CASZ1: variants seen among roughly 807,000 people sequenced by gnomAD.
CASZ1 encodes castor zinc finger 1, also known as zinc finger protein castor homolog 1.
In CASZ1, 28 loss-of-function variants were observed where a neutral mutation model predicts 135.2. The observed-to-expected ratio is 0.21, with a 90% confidence interval of 0.15 to 0.28. The LOEUF is 0.28. CASZ1 is among the 10% of genes least tolerant of loss of function. CASZ1 has a pLI of 1.00. For synonymous variants in CASZ1, 1,068 were observed against 1,073.4 expected (o/e 0.99, Z 0.10); for missense variants, 2,161 against 2,453.3 (o/e 0.88, Z 2.52).
intron 8 of CASZ1, among the ~76,000 whole-genome samples, chr1:10,656,243 G>A (rs891924172): frequency 1.3e-5 from 2 of 152,234 alleles, no homozygotes; most frequent in Non-Finnish European, 2.9e-5. Flanking sequence ...CTCACTGGCG[G>A]GCAGCCTTGG....
intron 4 of CASZ1, among the ~76,000 whole-genome samples, chr1:10,682,339 C>A: frequency 6.6e-6 from 1 of 151,996 alleles, no homozygotes; most frequent in East Asian, 1.9e-4. Context: ...GTGGGAGAGG[C>A]AGAGGGCAGG....
chr1:10,721,231 TTCAC>T lies in CASZ1; in HGVS notation c.-76-15691_-76-15688del, dbSNP rs1639490636. Among the ~76,000 whole-genome samples, 1 of 152,018 alleles carries T rather than the reference TTCAC, an allele frequency of 6.6e-6. No individual in the cohort carries two copies. The highest frequency in any genetic ancestry group is 6.5e-5 in the Admixed American group (1 of 15,270). ...AGACAGAGGGGCTGGCTGGCTTTCCTTCACTCTACCTCAATTTCTACTGCTCCTA... is the reference window on the plus strand; with the variant it reads ...AGACAGAGGGGCTGGCTGGCTTTCCTTCTACCTCAATTTCTACTGCTCCTA... On this transcript the variant is annotated intron_variant, in intron 2 of 20. Transcript: ENST00000377022. This position sits in a 1 kb window ranked among gnomAD's most constrained non-coding sequence, Gnocchi z 5.4.
In CASZ1 at chr1:10,638,435, T is replaced by A. The variant is rs779322833; in HGVS notation, c.*507A>T. 2 of 152,204 alleles carry A rather than the reference T, an allele frequency of 1.3e-5. No individual in the cohort carries two copies. The highest frequency in any genetic ancestry group is 2.4e-5 in the African/African-American group (1 of 41,426). The allele number at this position is 152,204 out of a possible 1,614,324, so 9.4% of individuals were successfully genotyped here. On this transcript the variant is annotated 3_prime_UTR_variant, in exon 21 of 21. Transcript: ENST00000377022. This position sits in a 1 kb window ranked among gnomAD's most constrained non-coding sequence, Gnocchi z 5.9. ...CCCGTGAGGCTTCCTCCACGGTCCC[T>A]GTAGTGTCACCCGTGCTGACTGCCT... is the stretch of plus-strand genomic sequence containing the variant.
At chr1:10,784,070 C>T (rs985778374) in intron 1 of CASZ1, among the ~76,000 whole-genome samples, 1 of 152,040 alleles carries the variant, frequency 6.6e-6, no homozygotes, top group African/African-American at 2.4e-5. Context: ...AGACCCAGGC[C>T]CACCGTCACA....
chr1:10,777,370 C>G lies in CASZ1; in HGVS notation c.-233-16513G>C, dbSNP rs1245081271. ...GACCTCTGTGACTTCACCCTTCACC[C>G]ACAAGCCTCCTTTCTCTTATTGGTC... On this transcript the variant is annotated intron_variant, in intron 1 of 20. Transcript: ENST00000377022. This position sits in a 1 kb window ranked among gnomAD's most constrained non-coding sequence, Gnocchi z 4.4. 1.3e-5 allele frequency among the ~76,000 whole-genome samples: 2 copies of G among 152,140 alleles called. No homozygotes were observed. Among genetic ancestry groups the G allele is most frequent in the African/African-American group, 4.8e-5 (2 of 41,426 alleles).
intron 2 of CASZ1, among the ~76,000 whole-genome samples, chr1:10,743,960 C>T (rs1031061537): frequency 3.9e-5 from 6 of 151,980 alleles, no homozygotes; most frequent in Non-Finnish European, 7.4e-5. Context: ...AATCCAGCCG[C>T]CTCAGGGGAC....
intron 3 of CASZ1, among the ~76,000 whole-genome samples, chr1:10,698,183 A>T (rs1570494287): frequency 6.6e-6 from 1 of 152,260 alleles, no homozygotes; most frequent in South Asian, 2.1e-4. Flanking sequence ...GCACAGCCGC[A>T]CGCTCGGCCC....
chr1:10,663,378 G>A (rs1643113261), intron 5 of CASZ1, among the ~76,000 whole-genome samples: 1 of 152,184 alleles, frequency 6.6e-6, no homozygotes, highest in Non-Finnish European at 1.5e-5. Flanking sequence ...CTGGCACCCA[G>A]GGTGCACAGA....
chr1:10,656,873 AAGTGACTGGGCCTGGCG>A, intron 7 of CASZ1, 137 bp from the exon 8 acceptor site: 1 of 636,104 alleles, frequency 1.6e-6, no homozygotes, highest in South Asian at 1.7e-5. Flanking sequence ...AGGCCCAGGC[AAGTGACTGGGCCTGGCG>A]GGAATCCCAG....
Position 10,701,535 on chromosome 1 carries a change from G to T in CASZ1, c.-24+3957C>A, listed in dbSNP as rs768780842. ...AGAGTGATGGAGTGATGGGAGGAGG[G>T]GGGGCGCGGTCAGAAGAAGGAGATA... On this transcript the variant is annotated intron_variant, in intron 3 of 20. Transcript: ENST00000377022. This position sits in a 1 kb window ranked among gnomAD's most constrained non-coding sequence, Gnocchi z 6.3. Among the ~76,000 whole-genome samples the T allele has an allele frequency of 1.3e-5, 2 of 152,172 alleles. No homozygotes were observed. The highest frequency in any genetic ancestry group is 2.9e-5 in the Non-Finnish European group (2 of 68,034).
At chr1:10,763,559 T>G (rs537266057) in intron 1 of CASZ1, among the ~76,000 whole-genome samples, 73 of 152,318 alleles carry the variant, frequency 4.8e-4, no homozygotes, top group African/African-American at 1.7e-3. Flanking sequence ...TTCTGAAATC[T>G]ACCCCGGGTG....
Position 10,639,113 on chromosome 1 carries a change from G to GTCGTCGTCC in CASZ1, c.5108_5109insGGACGACGA (p.Asp1702_Asp1703insGluAspAsp). The stretch of plus-strand genomic sequence containing the variant: ...CGTCGTCGTCCTCGTCGTCGTCCTC[G>GTCGTCGTCC]TCGTCGTCGTCCTCGTCGTCGTCCT... On this transcript the variant is annotated inframe_insertion, in exon 21 of 21. Coordinates refer to ENST00000377022, the MANE Select transcript of CASZ1 (RefSeq NM_001079843.3). This position sits in a 1 kb window ranked among gnomAD's most constrained non-coding sequence, Gnocchi z 4.0. 8.8e-7 allele frequency: 1 copy of GTCGTCGTCC among 1,132,784 alleles called. No individual in the cohort carries two copies. The allele number at this position is 1,132,784 out of a possible 1,614,324, so 70.2% of individuals were successfully genotyped here. A position where few individuals can be genotyped will look rare whatever the true frequency, so the allele number is the denominator to read the frequency against.
chr1:10,756,470 T>C lies in CASZ1; in HGVS notation c.-77+4231A>G, dbSNP rs1348577431. The stretch of plus-strand genomic sequence containing the variant: ...GAGCCCGGCAGCCGGCTGTGACAGC[T>C]TCACGCTCGCCAACCAGGCCTCTGG... On this transcript the variant is annotated intron_variant, in intron 2 of 20. Transcript: ENST00000377022. The surrounding 1 kb of genome is among the most constrained non-coding windows in gnomAD (Gnocchi z 5.9). 1.3e-5 allele frequency among the ~76,000 whole-genome samples: 2 copies of C among 152,222 alleles called. No individual in the cohort carries two copies. Among genetic ancestry groups the C allele is most frequent in the East Asian group, 3.9e-4 (2 of 5,192 alleles).
chr1:10,693,855 C>T lies in CASZ1; in HGVS notation c.16+19G>A, dbSNP rs372487900. 1.2e-6 allele frequency: 2 copies of T among 1,609,318 alleles called. No homozygotes were observed. The highest frequency in any genetic ancestry group is 1.7e-5 in the Admixed American group (1 of 59,950). ...AAGAAAAGTGAAAGAGCCGCCCCTG[C>T]GTTCCCACCGGCCGGTACCTGTTCC... On this transcript the variant is annotated intron_variant, in intron 4 of 20. Transcript: ENST00000377022.
Position 10,659,384 on chromosome 1 carries a change from G to A in CASZ1, c.1340+318C>T, listed in dbSNP as rs149351650. ...AAAGGCAGAGCACACTTGTGCCTGGGAGTGTGGGCGTGTGTGGGTGGCGTG... is the reference window on the plus strand; with the variant it reads ...AAAGGCAGAGCACACTTGTGCCTGGAAGTGTGGGCGTGTGTGGGTGGCGTG... On this transcript the variant is annotated intron_variant, in intron 6 of 20. Transcript: ENST00000377022. Among the ~76,000 whole-genome samples, 616 of 152,352 alleles carry A rather than the reference G, an allele frequency of 4.0e-3. 7 individuals carry two copies. The highest frequency in any genetic ancestry group is 0.014 in the African/African-American group (588 of 41,564).
In CASZ1 at chr1:10,659,926, G is replaced by A. The variant is rs1225585702; in HGVS notation, c.1116C>T (p.Arg372=). The change falls in exon 6 of 21, where the codon CGC becomes CGT. Residue 372 remains arginine, a synonymous_variant. Coordinates refer to ENST00000377022, the MANE Select transcript of CASZ1 (RefSeq NM_001079843.3). Reference sequence around the variant, plus strand: ...TGCCCCGGACGTCGTACTTGGAAGGGCGCCCCACCTTGCCTGTCTTGAAGG... The same window carrying A: ...TGCCCCGGACGTCGTACTTGGAAGGACGCCCCACCTTGCCTGTCTTGAAGG... ...AIAFKTGKVG[R]PSKYDVRGIQ... 3.1e-6 allele frequency: 5 copies of A among 1,611,994 alleles called. No individual in the cohort carries two copies. The African/African-American group carries it at 5.3e-5, about 17-fold the overall frequency.
At chr1:10,658,379 T>C in intron 7 of CASZ1, 129 bp downstream of exon 7, 1 of 717,000 alleles carries the variant, frequency 1.4e-6, no homozygotes, top group East Asian at 2.7e-5. Context: ...GGGACCGAAG[T>C]GGATGGGGAT....
chr1:10,639,112 C>T lies in CASZ1; in HGVS notation c.5110G>A (p.Glu1704Lys). 8.7e-7 allele frequency: 1 copy of T among 1,153,422 alleles called. No homozygotes were observed. Among genetic ancestry groups the T allele is most frequent in the Non-Finnish European group, 1.1e-6 (1 of 915,126 alleles). The allele number at this position is 1,153,422 out of a possible 1,614,324, so 71.4% of individuals were successfully genotyped here. ...TCGTCGTCGTCCTCGTCGTCGTCCT[C>T]GTCGTCGTCGTCCTCGTCGTCGTCC... ...DEDDDEDDDD[E>K]DDDEDDDDED... Residue 1704 changes from glutamate to lysine, a missense_variant, in exon 21 of 21, where the codon GAG (glutamate) becomes AAG (lysine). By Grantham distance (56) the Glu-to-Lys change is moderately conservative. Transcript: ENST00000377022. The surrounding 1 kb of genome is among the most constrained non-coding windows in gnomAD (Gnocchi z 4.0).
rs1173751248 is a variant in CASZ1 at position 10,735,476 on chromosome 1, G to C, written c.-77+25225C>G. On this transcript the variant is annotated intron_variant, in intron 2 of 20. Transcript: ENST00000377022. This position sits in a 1 kb window ranked among gnomAD's most constrained non-coding sequence, Gnocchi z 5.1. ...CCTCTGCTCCCGCTGCCACTTGCAG[G>C]CTCAGCCAGCTCCACGCAGCGCCAG... Among the ~76,000 whole-genome samples, 1 of 152,160 alleles carries C rather than the reference G, an allele frequency of 6.6e-6. No homozygotes were observed. Among genetic ancestry groups the C allele is most frequent in the Non-Finnish European group, 1.5e-5 (1 of 68,022 alleles).
Sources: allele counts gnomAD v4.1 joint callset (sites outside exome capture counted in the v4.1 genomes callset), GRCh38; gene constraint gnomAD v4.1.1; non-coding constraint Gnocchi (gnomAD v3.1); transcripts MANE v1.5; gene names NCBI Gene and HGNC (gene_info 2026-07-23, HGNC 2026-07-21).